Variants in NOX4 observed in about 807,000 individuals in gnomAD.
NOX4 encodes the protein NADPH oxidase 4, also known as kidney oxidase-1.
Under a neutral mutation model 87.6 loss-of-function variants are expected in NOX4, and 69 were observed. That is an observed-to-expected ratio of 0.79 (90% CI 0.65 to 0.96). The LOEUF (loss-of-function observed/expected upper bound fraction) is 0.96, where lower values mean the gene tolerates loss of function less well. Among genes scored for constraint, NOX4 ranks in the 40% least tolerant of loss-of-function variants. NOX4 has a pLI of 0.00. For missense variants in NOX4, 680 were observed against 681.5 expected, an observed-to-expected ratio of 1.00 and a Z score of 0.02; for synonymous variants, 275 against 238.2, an observed-to-expected ratio of 1.15 and a Z score of -1.42.
chr11:89,430,639 A>G (rs542026771), intron 7 of NOX4, among the ~76,000 whole-genome samples: 10 of 152,260 alleles, frequency 6.6e-5, no homozygotes, highest in African/African-American at 2.4e-4. Flanking sequence ...TAGGAATCCA[A>G]CTTACAAGGG....
intron 2 of NOX4, chr11:89,488,864 C>T (rs977793636): frequency 4.9e-6 from 3 of 613,778 alleles, no homozygotes; most frequent in African/African-American, 3.8e-5. Flanking sequence ...TAGAAGAAAC[C>T]TTTTCTTGTT....
At chr11:89,514,726 A>G in the NOX4 span, among the ~76,000 whole-genome samples, 18 of 152,080 alleles carry the variant, frequency 1.2e-4, no homozygotes, top group South Asian at 3.7e-3. Flanking sequence ...GTCTCCTATG[A>G]TGATCATGTT....
At position 89,402,397 on chromosome 11, in the gene NOX4, C is replaced by A. The variant is rs774389276; in HGVS notation, c.775G>T (p.Ala259Ser). The A allele has an allele frequency of 1.2e-6, 2 of 1,612,880 alleles. No individual in the cohort carries two copies. Among genetic ancestry groups the A allele is most frequent in the East Asian group, 2.2e-5 (1 of 44,812 alleles). ...ACAAATTTGTGCTGGGTAAACTCTG[C>A]CGGTTTTGAAAATCCTTCAGGGAAA... ...EPFPEGFSKP[A>S]EFTQHKFVKI... The change falls in exon 9 of 18, where the codon GCA becomes TCA. Residue 259 changes from alanine to serine, a missense_variant. Coordinates refer to ENST00000263317, the MANE Select transcript of NOX4 (RefSeq NM_016931.5).
At chr11:89,507,335 T>C in the NOX4 span, among the ~76,000 whole-genome samples, 88,313 of 151,176 alleles carry the variant, frequency 0.58, 26,744 homozygotes, top group Non-Finnish European at 0.7. Flanking sequence ...TAACTATGAC[T>C]CAGTAAAGTT....
chr11:89,489,684 C>T (rs183914781), intron 2 of NOX4, among the ~76,000 whole-genome samples: 4 of 149,090 alleles, frequency 2.7e-5, no homozygotes, highest in Admixed American at 6.8e-5. Context: ...GCTGAGATCA[C>T]TCCACTGCAC....
At chr11:89,449,402 A>T (rs1261844707) in intron 4 of NOX4, 38 bp downstream of exon 4, 1 of 1,442,608 alleles carries the variant, frequency 6.9e-7, no homozygotes, top group African/African-American at 1.4e-5. Flanking sequence ...TAAATGTGTA[A>T]TTCTAACAAA....
At chr11:89,451,916 C>T (rs1462540485) in intron 2 of NOX4, 21 bp from the exon 3 acceptor site, 6 of 1,531,408 alleles carry the variant, frequency 3.9e-6, no homozygotes, top group Non-Finnish European at 5.4e-6. Context: ...AAGGCAAGGT[C>T]AGCACACAGT....
chr11:89,520,426 A>C, the NOX4 span, among the ~76,000 whole-genome samples: 1 of 152,138 alleles, frequency 6.6e-6, no homozygotes, highest in Non-Finnish European at 1.5e-5. Flanking sequence ...ACACACATTC[A>C]AGGAGCAAAA....
intron 11 of NOX4, among the ~76,000 whole-genome samples, chr11:89,382,263 C>A (rs1221673327): frequency 6.6e-6 from 1 of 152,040 alleles, no homozygotes; most frequent in Non-Finnish European, 1.5e-5. Context: ...CTCCCTTGGC[C>A]TGTGTTCCAA....
chr11:89,470,121 T>A (rs1248690982), intron 2 of NOX4, among the ~76,000 whole-genome samples: 2 of 151,790 alleles, frequency 1.3e-5, no homozygotes, highest in Admixed American at 6.6e-5. Flanking sequence ...CCCCAAAGGG[T>A]TATTGTATAT....
At chr11:89,518,276 C>T in the NOX4 span, among the ~76,000 whole-genome samples, 35 of 151,956 alleles carry the variant, frequency 2.3e-4, 1 homozygote, top group South Asian at 4.6e-3. Flanking sequence ...GACCTTAATT[C>T]ATACCAACCA....
At chr11:89,466,035 T>C (rs529976071) in intron 2 of NOX4, among the ~76,000 whole-genome samples, 1 of 152,206 alleles carries the variant, frequency 6.6e-6, no homozygotes, top group Admixed American at 6.5e-5. Flanking sequence ...TCTCCTTCTC[T>C]CACCAGGTTA....
At chr11:89,550,311 G>A in the NOX4 span, among the ~76,000 whole-genome samples, 1 of 151,764 alleles carries the variant, frequency 6.6e-6, no homozygotes, top group Middle Eastern at 3.4e-3. Context: ...TCAGCCTCTC[G>A]AGTAGCTGGG....
chr11:89,481,393 T>C (rs570341642), intron 2 of NOX4, among the ~76,000 whole-genome samples: 2 of 140,398 alleles, frequency 1.4e-5, no homozygotes, highest in East Asian at 2.1e-4. Flanking sequence ...TGAATGCCTA[T>C]GTACCAAGTG....
At chr11:89,452,396 C>T (rs1391675368) in intron 2 of NOX4, among the ~76,000 whole-genome samples, 2 of 149,426 alleles carry the variant, frequency 1.3e-5, no homozygotes, top group Non-Finnish European at 2.9e-5. Context: ...TTATCACTAA[C>T]TCTACTCATC....
intron 1 of NOX4, 168 bp downstream of exon 1, chr11:89,491,022 G>C: frequency 1.3e-6 from 1 of 763,614 alleles, no homozygotes; most frequent in East Asian, 2.7e-5. Flanking sequence ...GAGGGGGTGG[G>C]AGGGGGAGTG....
chr11:89,428,894 C>A (rs1026996651), intron 7 of NOX4, among the ~76,000 whole-genome samples: 1 of 152,152 alleles, frequency 6.6e-6, no homozygotes, highest in Non-Finnish European at 1.5e-5. Flanking sequence ...CTCTCCACTC[C>A]AATCAGCAGA....
chr11:89,423,753 A>AAT (rs146870519), intron 7 of NOX4, among the ~76,000 whole-genome samples: 100 of 151,224 alleles, frequency 6.6e-4, no homozygotes, highest in Non-Finnish European at 9.6e-4. Flanking sequence ...ACTCCTTAAA[A>AAT]ATATATATAT....
intron 8 of NOX4, among the ~76,000 whole-genome samples, chr11:89,413,495 C>T (rs189632553): frequency 6.6e-6 from 1 of 152,160 alleles, no homozygotes; most frequent in East Asian, 1.9e-4. Flanking sequence ...TACTATTCAG[C>T]CACAAAAAGG....
Sources: gnomAD v4.1 joint callset for allele counts (sites outside exome capture counted in the v4.1 genomes callset) on GRCh38, gnomAD v4.1.1 for gene constraint, MANE v1.5 for transcripts, NCBI Gene and HGNC (gene_info 2026-07-23, HGNC 2026-07-21) for gene names.